STT3B: variants seen among roughly 807,000 people sequenced by gnomAD.
STT3B encodes the protein STT3 oligosaccharyltransferase complex catalytic subunit B, also known as dolichyl-diphosphooligosaccharide--protein glycosyltransferase subunit STT3B.
STT3B carries 29 observed loss-of-function variants against 96.8 expected under a neutral mutation model. That is an observed-to-expected ratio of 0.30 (90% CI 0.22 to 0.41). The LOEUF (loss-of-function observed/expected upper bound fraction) is 0.41. STT3B is among the 10% of genes least tolerant of loss of function. The probability of loss-of-function intolerance (pLI) is 1.00; values close to 1 mark genes in which losing one functional copy is unlikely to be tolerated. For missense variants in STT3B, 640 were observed against 1,022.3 expected, an observed-to-expected ratio of 0.63 and a Z score of 5.10; for synonymous variants, 367 against 360.0, an observed-to-expected ratio of 1.02 and a Z score of -0.22.
chr3:31,620,120 C>CA, intron 9 of STT3B: 1 of 423,072 alleles, frequency 2.4e-6, no homozygotes, highest in Non-Finnish European at 3.9e-6. Context: ...ACTAAAAATA[C>CA]AAAAATTAGC....
chr3:31,591,234 C>G (rs1404419796), intron 3 of STT3B, among the ~76,000 whole-genome samples: 1 of 152,006 alleles, frequency 6.6e-6, no homozygotes, highest in African/African-American at 2.4e-5. Flanking sequence ...TTCTCTTTAT[C>G]TCTAGGAATG....
intron 1 of STT3B, among the ~76,000 whole-genome samples, chr3:31,537,875 C>G (rs1697141664): frequency 6.6e-6 from 1 of 151,966 alleles, no homozygotes; most frequent in South Asian, 2.1e-4. Flanking sequence ...ATTGTTATAT[C>G]TTAGTATTCG....
chr3:31,567,643 A>C (rs1207801796), intron 1 of STT3B, among the ~76,000 whole-genome samples: 1 of 152,184 alleles, frequency 6.6e-6, no homozygotes, highest in East Asian at 1.9e-4. Flanking sequence ...TTGCCACCTC[A>C]AAATTTGTTT....
intron 12 of STT3B, among the ~76,000 whole-genome samples, 186 bp from the exon 13 acceptor site, chr3:31,625,764 ATTAG>A (rs772501885): frequency 8.5e-5 from 13 of 152,200 alleles, no homozygotes; most frequent in Non-Finnish European, 1.6e-4. Flanking sequence ...TTGACTGTAA[ATTAG>A]TTATAGTAGT....
chr3:31,559,095 T>A (rs111387060), intron 1 of STT3B, among the ~76,000 whole-genome samples: 20 of 150,704 alleles, frequency 1.3e-4, no homozygotes, highest in Non-Finnish European at 2.1e-4. Context: ...TTTTTTTTTT[T>A]AAATCTTTTC....
At chr3:31,577,933 C>CT (rs1698296771) in intron 2 of STT3B, among the ~76,000 whole-genome samples, 1 of 152,070 alleles carries the variant, frequency 6.6e-6, no homozygotes, top group Non-Finnish European at 1.5e-5. Context: ...CCTGTTTTCT[C>CT]TAAGAGTCCT....
At chr3:31,600,882 G>GA (rs2125463743) in intron 5 of STT3B, among the ~76,000 whole-genome samples, 1 of 152,040 alleles carries the variant, frequency 6.6e-6, no homozygotes, top group South Asian at 2.1e-4. Context: ...GTTGTCTCTA[G>GA]AAAAATGTTC....
At chr3:31,607,997 T>G (rs2125467698) in intron 5 of STT3B, among the ~76,000 whole-genome samples, 1 of 152,300 alleles carries the variant, frequency 6.6e-6, no homozygotes, top group South Asian at 2.1e-4. Flanking sequence ...AAACAAGTAG[T>G]TTTGATGGTT....
At chr3:31,556,535 T>G (rs1697716020) in intron 1 of STT3B, among the ~76,000 whole-genome samples, 2 of 152,198 alleles carry the variant, frequency 1.3e-5, no homozygotes, top group Admixed American at 6.5e-5. Context: ...AAGAGTTCTG[T>G]TTTCTCTGCA....
intron 1 of STT3B, among the ~76,000 whole-genome samples, chr3:31,547,190 T>C (rs531604860): frequency 5.6e-4 from 85 of 152,306 alleles, no homozygotes; most frequent in African/African-American, 2.0e-3. Flanking sequence ...TCTAGTCTTA[T>C]CTGCCCTCCT....
intron 1 of STT3B, among the ~76,000 whole-genome samples, chr3:31,560,536 T>C (rs1451542743): frequency 2.6e-5 from 4 of 152,098 alleles, no homozygotes; most frequent in Admixed American, 2.0e-4. Context: ...TATAGTATCA[T>C]TAGCAATTTT....
At chr3:31,541,472 G>GTTTTTTTTTTTTTTTTTTTTTTTT (rs1302731899) in intron 1 of STT3B, among the ~76,000 whole-genome samples, 1 of 106,942 alleles carries the variant, frequency 9.4e-6, no homozygotes, top group African/African-American at 3.4e-5. Flanking sequence ...TTCTTTTTTT[G>GTTTTTTTTTTTTTTTTTTTTTTTT]TTTTTTTTTT....
intron 1 of STT3B, among the ~76,000 whole-genome samples, chr3:31,549,615 A>C (rs1697501581): frequency 1.3e-5 from 2 of 152,140 alleles, no homozygotes; most frequent in Admixed American, 6.5e-5. Flanking sequence ...TATGGGTCTG[A>C]CTTAAACGTG....
chr3:31,616,794 A>G, intron 6 of STT3B, 135 bp from the exon 7 acceptor site: 1 of 696,962 alleles, frequency 1.4e-6, no homozygotes. Context: ...TTGACAAAGG[A>G]AATGTTGGCT....
intron 1 of STT3B, among the ~76,000 whole-genome samples, chr3:31,544,256 TA>T (rs1697349441): frequency 6.6e-6 from 1 of 152,206 alleles, no homozygotes; most frequent in Non-Finnish European, 1.5e-5. Context: ...TGATCTCATT[TA>T]AACTTTCCCA....
At chr3:31,571,406 A>C (rs1035748987) in intron 1 of STT3B, among the ~76,000 whole-genome samples, 2 of 151,668 alleles carry the variant, frequency 1.3e-5, no homozygotes, top group Non-Finnish European at 2.9e-5. Context: ...GCTTTATTTT[A>C]TTCTAGGAAA....
At chr3:31,572,147 T>A (rs1305687957) in intron 1 of STT3B, among the ~76,000 whole-genome samples, 1 of 143,082 alleles carries the variant, frequency 7.0e-6, no homozygotes, top group Non-Finnish European at 1.5e-5. Flanking sequence ...GATCTAAATT[T>A]ATATATAATA....
At chr3:31,570,636 A>G (rs1698113512) in intron 1 of STT3B, among the ~76,000 whole-genome samples, 1 of 152,214 alleles carries the variant, frequency 6.6e-6, no homozygotes, top group South Asian at 2.1e-4. Context: ...TATAGGATCA[A>G]TATGGTCAAT....
At chr3:31,635,517 C>G (rs927216256) in intron 15 of STT3B, among the ~76,000 whole-genome samples, 1 of 152,160 alleles carries the variant, frequency 6.6e-6, no homozygotes, top group Non-Finnish European at 1.5e-5. Context: ...TTATATCTCT[C>G]ATTTTTGTAG....
Sources: gnomAD v4.1 joint callset for allele counts (sites outside exome capture counted in the v4.1 genomes callset) on GRCh38, gnomAD v4.1.1 for gene constraint, MANE v1.5 for transcripts, NCBI Gene and HGNC (gene_info 2026-07-23, HGNC 2026-07-21) for gene names.